The following LRRTM4 variants were observed in gnomAD, a reference collection of about 807,000 sequenced individuals.
The protein encoded by LRRTM4 is leucine rich repeat transmembrane neuronal 4, also known as leucine-rich repeat transmembrane neuronal protein 4.
A neutral mutation model predicts 47.6 loss-of-function variants in LRRTM4; 25 were observed. The ratio of observed to expected loss-of-function variants is 0.53; its 90% CI spans 0.38 to 0.73. LRRTM4 has a LOEUF of 0.73. Among genes scored for constraint, LRRTM4 ranks in the 30% least tolerant of loss-of-function variants. The pLI, the probability that LRRTM4 is intolerant of heterozygous loss-of-function variation, is 0.00. For missense variants in LRRTM4, 638 were observed against 713.4 expected (o/e 0.89, Z 1.20); for synonymous variants, 311 against 269.5 (o/e 1.15, Z -1.51).
intron 3 of LRRTM4, among the ~76,000 whole-genome samples, chr2:76,987,195 A>G (rs2103981505): frequency 6.6e-6 from 1 of 151,970 alleles, no homozygotes; most frequent in South Asian, 2.1e-4. Flanking sequence ...CTTTTTAAGA[A>G]GTATTGTTTC....
At chr2:77,423,958 G>A (rs1675007770) in intron 3 of LRRTM4, among the ~76,000 whole-genome samples, 1 of 151,858 alleles carries the variant, frequency 6.6e-6, no homozygotes, top group Non-Finnish European at 1.5e-5. Flanking sequence ...TTGTTTTTCA[G>A]CTGTATCCAT....
At chr2:77,436,980 A>C (rs976332937) in intron 3 of LRRTM4, among the ~76,000 whole-genome samples, 1 of 152,046 alleles carries the variant, frequency 6.6e-6, no homozygotes, top group African/African-American at 2.4e-5. Context: ...TATTAATATA[A>C]ATAACTTATC....
At chr2:77,233,885 G>T (rs1222351864) in intron 3 of LRRTM4, among the ~76,000 whole-genome samples, 1 of 152,014 alleles carries the variant, frequency 6.6e-6, no homozygotes, top group Non-Finnish European at 1.5e-5. Context: ...GTCCACCCCT[G>T]CCTCCATGTT....
intron 3 of LRRTM4, among the ~76,000 whole-genome samples, chr2:77,042,419 ATT>A (rs952118992): frequency 6.6e-6 from 1 of 151,554 alleles, no homozygotes; most frequent in Non-Finnish European, 1.5e-5. Context: ...ATAAAAAGTT[ATT>A]TTTTAAAAAG....
intron 3 of LRRTM4, among the ~76,000 whole-genome samples, chr2:76,939,329 T>G (rs970851536): frequency 2.0e-5 from 3 of 152,158 alleles, no homozygotes; most frequent in Non-Finnish European, 4.4e-5. Context: ...TTCTTTCACT[T>G]TGTTACTCCA....
chr2:76,899,941 A>G (rs76930754), intron 3 of LRRTM4, among the ~76,000 whole-genome samples: 4,342 of 152,132 alleles, frequency 0.029, 198 homozygotes, highest in African/African-American at 0.094. Flanking sequence ...AATATATGCT[A>G]GTAGACACCA....
At chr2:77,219,441 T>A (rs1294345498) in intron 3 of LRRTM4, among the ~76,000 whole-genome samples, 5 of 152,162 alleles carry the variant, frequency 3.3e-5, no homozygotes, top group Non-Finnish European at 7.4e-5. Context: ...AGAGCACTCC[T>A]TCATATCAGG....
chr2:76,805,550 T>A (rs749881521), intron 3 of LRRTM4, among the ~76,000 whole-genome samples: 3 of 152,150 alleles, frequency 2.0e-5, no homozygotes, highest in African/African-American at 7.2e-5. Flanking sequence ...ACTGAAAATA[T>A]ATTAAATTCT....
intron 3 of LRRTM4, among the ~76,000 whole-genome samples, chr2:77,143,065 C>T (rs1293940045): frequency 2.0e-5 from 3 of 152,090 alleles, no homozygotes; most frequent in Non-Finnish European, 4.4e-5. Context: ...GCAACACAAG[C>T]CATTTATCAA....
At chr2:77,275,404 C>T (rs777285442) in intron 3 of LRRTM4, among the ~76,000 whole-genome samples, 2 of 151,970 alleles carry the variant, frequency 1.3e-5, no homozygotes, top group Admixed American at 6.6e-5. Context: ...TTTATAGAAC[C>T]AAATATAGCC....
At chr2:77,520,649 T>C (rs1679451238) in intron 2 of LRRTM4, among the ~76,000 whole-genome samples, 1 of 152,226 alleles carries the variant, frequency 6.6e-6, no homozygotes, top group East Asian at 1.9e-4. Flanking sequence ...TATTGTGTAG[T>C]ATCACTTTGC....
intron 3 of LRRTM4, among the ~76,000 whole-genome samples, chr2:76,775,488 T>C (rs1490247108): frequency 6.6e-6 from 1 of 152,164 alleles, no homozygotes; most frequent in East Asian, 1.9e-4. Context: ...GGCAATTATA[T>C]ACTGGAAAGG....
intron 3 of LRRTM4, among the ~76,000 whole-genome samples, chr2:77,434,153 G>A (rs17014092): frequency 0.033 from 5,038 of 151,864 alleles, 258 homozygotes; most frequent in African/African-American, 0.11. Flanking sequence ...TCCCTCTGGA[G>A]ATCTTAAAGC....
chr2:76,762,524 G>T (rs2104086440), intron 3 of LRRTM4, among the ~76,000 whole-genome samples: 1 of 152,228 alleles, frequency 6.6e-6, no homozygotes, highest in South Asian at 2.1e-4. Flanking sequence ...TGTGTATTAT[G>T]ATTTAATTTT....
intron 3 of LRRTM4, among the ~76,000 whole-genome samples, chr2:77,309,745 T>C (rs1295324601): frequency 6.6e-6 from 1 of 152,026 alleles, no homozygotes; most frequent in African/African-American, 2.4e-5. Flanking sequence ...AACAAAAGGC[T>C]AAAAGCACGA....
intron 3 of LRRTM4, among the ~76,000 whole-genome samples, chr2:77,082,504 A>G (rs114045204): frequency 2.6e-5 from 4 of 152,142 alleles, no homozygotes. Context: ...AATTTTCAAC[A>G]TCACTTAAAG....
intron 3 of LRRTM4, among the ~76,000 whole-genome samples, chr2:76,916,797 A>C (rs759690463): frequency 4.6e-5 from 7 of 152,222 alleles, no homozygotes; most frequent in Middle Eastern, 3.2e-3. Context: ...AACTATCTTT[A>C]ATATCTCACT....
At chr2:77,000,745 A>G (rs1677390804) in intron 3 of LRRTM4, among the ~76,000 whole-genome samples, 2 of 152,134 alleles carry the variant, frequency 1.3e-5, no homozygotes, top group Non-Finnish European at 2.9e-5. Flanking sequence ...TCATTCCTAC[A>G]TCTTGTTTTT....
intron 3 of LRRTM4, among the ~76,000 whole-genome samples, chr2:77,077,118 T>A (rs888529343): frequency 6.6e-6 from 1 of 152,204 alleles, no homozygotes; most frequent in Non-Finnish European, 1.5e-5. Flanking sequence ...ACATAGAGTA[T>A]CACACCATAT....
Sources: gnomAD v4.1 joint callset for allele counts (sites outside exome capture counted in the v4.1 genomes callset) on GRCh38, gnomAD v4.1.1 for gene constraint, MANE v1.5 for transcripts, NCBI Gene and HGNC (gene_info 2026-07-23, HGNC 2026-07-21) for gene names.